Variants in FAT4 observed in about 807,000 individuals in gnomAD.
FAT4 encodes the protein FAT atypical cadherin 4.
Under a neutral mutation model 303.9 loss-of-function variants are expected in FAT4, and 84 were observed. The observed-to-expected ratio is 0.28, with a 90% CI of 0.23 to 0.33. The LOEUF (loss-of-function observed/expected upper bound fraction) is 0.33, where lower values mean the gene tolerates loss of function less well. FAT4 is among the 10% of genes least tolerant of loss of function. The pLI is 1.00. For missense variants in FAT4, 6,005 were observed against 6,146.8 expected (o/e 0.98, Z 0.77); for synonymous variants, 2,307 against 2,298.8 (o/e 1.00, Z -0.10).
chr4:125,479,027 G>A (rs1406673563), intron 14 of FAT4, among the ~76,000 whole-genome samples: 2 of 152,030 alleles, frequency 1.3e-5, no homozygotes, highest in African/African-American at 4.8e-5. Flanking sequence ...ACCATGTTGG[G>A]CCTCGGTGTT....
intron 7 of FAT4, among the ~76,000 whole-genome samples, chr4:125,427,961 T>G (rs993495392): frequency 1.3e-5 from 2 of 152,228 alleles, no homozygotes; most frequent in Admixed American, 6.5e-5. Context: ...GTGTATATTC[T>G]GATAGAGCAG....
intron 10 of FAT4, among the ~76,000 whole-genome samples, chr4:125,456,709 G>A (rs1303079156): frequency 6.6e-6 from 1 of 151,998 alleles, no homozygotes; most frequent in Non-Finnish European, 1.5e-5. Context: ...TTTTTACCTA[G>A]TCTCTGCCAG....
intron 2 of FAT4, 111 bp downstream of exon 2, chr4:125,321,697 T>G (rs781708286): frequency 3.7e-5 from 41 of 1,117,654 alleles, no homozygotes; most frequent in Non-Finnish European, 5.0e-5. Flanking sequence ...GTTAAATTTG[T>G]GAACAGGAAC....
At chr4:125,424,033 C>T (rs552947882) in intron 7 of FAT4, among the ~76,000 whole-genome samples, 1 of 152,188 alleles carries the variant, frequency 6.6e-6, no homozygotes, top group South Asian at 2.1e-4. Flanking sequence ...AGGAATGTAC[C>T]TTTTCTCAGA....
At chr4:125,376,432 G>A (rs964162510) in intron 2 of FAT4, among the ~76,000 whole-genome samples, 2 of 151,860 alleles carry the variant, frequency 1.3e-5, no homozygotes, top group Non-Finnish European at 2.9e-5. Context: ...GGGGCCTGTC[G>A]TGACCGGGGC....
chr4:125,450,798 A>G lies in FAT4; in HGVS notation c.9788A>G (p.Lys3263Arg). 3 of 1,614,166 alleles carry G rather than the reference A, an allele frequency of 1.9e-6. No homozygotes were observed. In the East Asian group the frequency reaches 6.7e-5, roughly 36 times the overall value. The stretch of plus-strand genomic sequence containing the variant: ...CAAGGCTTCTTGGATTTTGAAACCA[A>G]GCAGAGCTACCATCTTACTGTGAAA... Reference protein sequence around the residue: ...TTQGFLDFETKQSYHLTVKAF... With the variant: ...TTQGFLDFETRQSYHLTVKAF... Residue 3263 changes from lysine to arginine, a missense_variant, in exon 10 of 18, where the codon AAG becomes AGG. Physicochemically the swap from Lys to Arg is conservative, Grantham distance 26 (BLOSUM62 2). Coordinates refer to ENST00000394329, the MANE Select transcript of FAT4 (RefSeq NM_001291303.3).
At chr4:125,437,825 G>A (rs973591571) in intron 8 of FAT4, among the ~76,000 whole-genome samples, 5 of 152,132 alleles carry the variant, frequency 3.3e-5, no homozygotes, top group African/African-American at 1.2e-4. Context: ...ATTAGTATGG[G>A]CAAATTAACA....
chr4:125,331,408 C>T (rs1731377715), intron 2 of FAT4, among the ~76,000 whole-genome samples: 1 of 152,146 alleles, frequency 6.6e-6, no homozygotes, highest in Non-Finnish European at 1.5e-5. Context: ...TTTAGAGCCT[C>T]TTCTGAAATT....
chr4:125,451,717 C>T lies in FAT4; in HGVS notation c.10707C>T (p.Ser3569=). ...YFSLSTAGVL[S]TTREIDREQI... ...GTCTGAGCACTGCTGGAGTTCTGAG[C>T]ACAACCAGAGAGATTGACAGAGAGC... The change falls in exon 10 of 18, where the codon AGC becomes AGT. Residue 3569 remains serine, a synonymous_variant. Transcript: ENST00000394329. 6.2e-7 allele frequency: 1 copy of T among 1,614,146 alleles called. No homozygotes were observed. The highest frequency in any genetic ancestry group is 1.1e-5 in the South Asian group (1 of 91,084).
chr4:125,408,647 T>C lies in FAT4; in HGVS notation c.5773T>C (p.Phe1925Leu). ...TVRAEDGGGQ[F>L]TTIRVYFNIL... Reference sequence around the variant, plus strand: ...TCGAGCAGAAGATGGTGGGGGACAATTTACTACCATCAGAGTTTATTTCAA... The same window carrying C: ...TCGAGCAGAAGATGGTGGGGGACAACTTACTACCATCAGAGTTTATTTCAA... The change falls in exon 5 of 18, where the codon TTT becomes CTT. Residue 1925 changes from phenylalanine to leucine, a missense_variant. Physicochemically the swap from Phe to Leu is conservative, Grantham distance 22. Transcript: ENST00000394329. The C allele has an allele frequency of 1.2e-6, 2 of 1,611,004 alleles. No individual in the cohort carries two copies. The highest frequency in any genetic ancestry group is 1.7e-6 in the Non-Finnish European group (2 of 1,177,620).
chr4:125,461,995 T>C (rs1192328080), intron 10 of FAT4, among the ~76,000 whole-genome samples: 1 of 151,968 alleles, frequency 6.6e-6, no homozygotes, highest in East Asian at 1.9e-4. Context: ...GCCCATAAAT[T>C]TGTAACTTGT....
intron 2 of FAT4, among the ~76,000 whole-genome samples, chr4:125,390,312 C>T (rs1733932673): frequency 6.6e-6 from 1 of 152,182 alleles, no homozygotes; most frequent in South Asian, 2.1e-4. Context: ...TCTCCCAGCA[C>T]TGAGCTTCTC....
intron 2 of FAT4, among the ~76,000 whole-genome samples, chr4:125,344,733 T>C (rs747234185): frequency 1.1e-4 from 17 of 152,036 alleles, no homozygotes; most frequent in Non-Finnish European, 2.2e-4. Context: ...GTTAGTCTCT[T>C]CTAAGTTCCA....
rs138019311 is a variant in FAT4, at chr4:125,468,676, C to T, written c.12070C>T (p.Arg4024Trp). Residue 4024 changes from arginine to tryptophan, a missense_variant, in exon 12 of 18, where the codon CGG (arginine) becomes TGG (tryptophan). Coordinates refer to ENST00000394329, the MANE Select transcript of FAT4 (RefSeq NM_001291303.3). Reference sequence around the variant, plus strand: ...CAACTATGACAACCAGACAGGCGACCGGGCTGAGTTTTTGGCCCTTGAAAT... The same window carrying T: ...CAACTATGACAACCAGACAGGCGACTGGGCTGAGTTTTTGGCCCTTGAAAT... ...LYNYDNQTGD[R>W]AEFLALEIAE... The T allele has an allele frequency of 4.4e-3, 7,087 of 1,614,072 alleles. 24 individuals carry two copies. The highest frequency in any genetic ancestry group is 7.9e-3 in the Middle Eastern group (48 of 6,062).
Position 125,419,517 on chromosome 4 carries a change from G to T in FAT4, c.7018+2895G>T, listed in dbSNP as rs140724084. ...AACTGCCTATCTTTTCTCCTGCATG[G>T]TGCATTATTCAACAGGCAACCCAAG... On this transcript the variant is annotated intron_variant, in intron 7 of 17. Coordinates refer to ENST00000394329, the MANE Select transcript of FAT4 (RefSeq NM_001291303.3). Among the ~76,000 whole-genome samples, 53 of 152,224 alleles carry T rather than the reference G, an allele frequency of 3.5e-4. 1 individual carries two copies. In the East Asian group the frequency reaches 0.01, roughly 29 times the overall value.
chr4:125,408,838 G>A (rs767585987), intron 5 of FAT4, 44 bp downstream of exon 5: 7 of 1,015,598 alleles, frequency 6.9e-6, no homozygotes, highest in Non-Finnish European at 6.9e-6. Flanking sequence ...TCTATAAACT[G>A]TCATCAGATT....
chr4:125,325,164 T>C (rs7679819), intron 2 of FAT4, among the ~76,000 whole-genome samples: 6,041 of 152,242 alleles, frequency 0.04, 370 homozygotes, highest in African/African-American at 0.13. Flanking sequence ...ACTTGCAGTG[T>C]GGAATATGAA....
chr4:125,390,962 A>G (rs1733953553), intron 2 of FAT4, among the ~76,000 whole-genome samples: 2 of 152,226 alleles, frequency 1.3e-5, no homozygotes, highest in South Asian at 4.1e-4. Context: ...AATCAAAACC[A>G]CATGGAGATA....
Position 125,448,491 on chromosome 4 carries a change from ATGC to A in FAT4, c.7484_7486del (p.Ala2495del). Reference sequence around the variant, plus strand: ...TTTGTCTTTGCGGTTACAGTCACAGATGCTGATATTGGACCAAATTCTGAACTG... The same window carrying A: ...TTTGTCTTTGCGGTTACAGTCACAGATGATATTGGACCAAATTCTGAACTG... On this transcript the variant is annotated inframe_deletion, in exon 10 of 18. Transcript: ENST00000394329. 1 of 1,610,406 alleles carries A rather than the reference ATGC, an allele frequency of 6.2e-7. No individual in the cohort carries two copies. Among genetic ancestry groups the A allele is most frequent in the Non-Finnish European group, 8.5e-7 (1 of 1,177,554 alleles).
Sources: allele counts gnomAD v4.1 joint callset (sites outside exome capture counted in the v4.1 genomes callset), GRCh38; gene constraint gnomAD v4.1.1; transcripts MANE v1.5; gene names NCBI Gene and HGNC (gene_info 2026-07-23, HGNC 2026-07-21).